The following XKR4 variants were observed in gnomAD, a reference collection of about 807,000 sequenced individuals.
XKR4 encodes the protein XK related 4, also known as XK-related protein 4.
In XKR4, 12 loss-of-function variants were observed where a neutral mutation model predicts 53.9. The observed-to-expected ratio is 0.22, with a 90% confidence interval of 0.14 to 0.36. The LOEUF (loss-of-function observed/expected upper bound fraction) is 0.36, where lower values mean the gene tolerates loss of function less well. Ranked by LOEUF, XKR4 falls within the 10% of genes least tolerant of loss-of-function variation. The probability of loss-of-function intolerance (pLI) is 1.00; values close to 1 mark genes in which losing one functional copy is unlikely to be tolerated. For synonymous variants in XKR4, 354 were observed against 362.4 expected (o/e 0.98, Z 0.26); for missense variants, 799 against 859.5 (o/e 0.93, Z 0.88).
At chr8:55,334,402 C>A (rs1270066300) in intron 1 of XKR4, among the ~76,000 whole-genome samples, 2 of 152,134 alleles carry the variant, frequency 1.3e-5, no homozygotes, top group East Asian at 3.9e-4. Context: ...GATAACATCT[C>A]CATCTATAAC....
chr8:55,322,926 A>G (rs1046710345), intron 1 of XKR4, among the ~76,000 whole-genome samples: 2 of 152,156 alleles, frequency 1.3e-5, no homozygotes, highest in Non-Finnish European at 2.9e-5. Context: ...GACTTCCCGT[A>G]TGTTGTTGAA....
intron 2 of XKR4, among the ~76,000 whole-genome samples, chr8:55,428,473 C>T (rs1051545223): frequency 1.3e-5 from 2 of 152,172 alleles, no homozygotes; most frequent in African/African-American, 4.8e-5. Context: ...AAAACACTTC[C>T]CACCCTCATT....
chr8:55,476,200 C>T (rs750532882), intron 2 of XKR4, among the ~76,000 whole-genome samples: 1 of 151,980 alleles, frequency 6.6e-6, no homozygotes, highest in Non-Finnish European at 1.5e-5. Context: ...AGTCTAAGGA[C>T]CCCAACATGA....
At chr8:55,495,304 G>A (rs548042538) in intron 2 of XKR4, among the ~76,000 whole-genome samples, 13 of 152,144 alleles carry the variant, frequency 8.5e-5, no homozygotes, top group Non-Finnish European at 1.9e-4. Flanking sequence ...ACCCCCAAGA[G>A]CACAGAGATG....
At position 55,539,109 on chromosome 8, in the gene XKR4, T is replaced by C. The variant is rs1392392860; in HGVS notation, c.*14882T>C. 1 of 152,254 alleles carries C rather than the reference T, an allele frequency of 6.6e-6. No individual in the cohort carries two copies. 9.4% of individuals were successfully genotyped at this position (152,254 alleles called of 1,614,324 possible). ...CCAAAAGTGACAAGTTTTCTTGTAC[T>C]TAAAAATTTAATCCTGATAAGAACT... is the stretch of plus-strand genomic sequence containing the variant. On this transcript the variant is annotated 3_prime_UTR_variant, in exon 3 of 3. Coordinates refer to ENST00000327381, the MANE Select transcript of XKR4 (RefSeq NM_052898.2).
intron 1 of XKR4, among the ~76,000 whole-genome samples, chr8:55,156,700 A>C (rs1332898765): frequency 6.6e-6 from 1 of 152,224 alleles, no homozygotes; most frequent in East Asian, 1.9e-4. Flanking sequence ...TTCATTTTAA[A>C]AAATAAGTTT....
chr8:55,479,672 AAG>A (rs1806066832), intron 2 of XKR4, among the ~76,000 whole-genome samples: 1 of 152,168 alleles, frequency 6.6e-6, no homozygotes, highest in African/African-American at 2.4e-5. Flanking sequence ...TAAAGAAGAA[AAG>A]AGAGAAGAAT....
At chr8:55,137,849 G>C (rs1234323331) in intron 1 of XKR4, among the ~76,000 whole-genome samples, 1 of 152,110 alleles carries the variant, frequency 6.6e-6, no homozygotes, top group Non-Finnish European at 1.5e-5. Flanking sequence ...TAGGATTACA[G>C]ATGTGAGCTT....
intron 1 of XKR4, among the ~76,000 whole-genome samples, chr8:55,327,932 GCTAGTAT>G: frequency 6.6e-6 from 1 of 152,292 alleles, no homozygotes; most frequent in South Asian, 2.1e-4. Context: ...TGATAAAAAT[GCTAGTAT>G]CTAGTGGTGA....
At chr8:55,335,766 C>A (rs1366566489) in intron 1 of XKR4, among the ~76,000 whole-genome samples, 6 of 152,078 alleles carry the variant, frequency 3.9e-5, no homozygotes, top group East Asian at 1.9e-4. Flanking sequence ...TTGATACATG[C>A]AACAGCTTGG....
At chr8:55,142,986 C>CT (rs1031927417) in intron 1 of XKR4, among the ~76,000 whole-genome samples, 196 of 148,682 alleles carry the variant, frequency 1.3e-3, no homozygotes, top group Admixed American at 4.2e-3. Flanking sequence ...ATTCATTTGC[C>CT]TTTTTTTTTT....
chr8:55,490,658 T>C lies in XKR4; in HGVS notation c.1007-32623T>C, dbSNP rs542469753. Among the ~76,000 whole-genome samples the C allele has an allele frequency of 2.0e-5, 3 of 152,350 alleles. No homozygotes were observed. In the East Asian group the frequency reaches 5.8e-4, roughly 29 times the overall value. On this transcript the variant is annotated intron_variant, in intron 2 of 2. Coordinates refer to ENST00000327381, the MANE Select transcript of XKR4 (RefSeq NM_052898.2). ...TGTTTCATTGTCTCCTGGCTTGCAT[T>C]GTTTATAATGTCAGCAGTCATCTTT... is the stretch of plus-strand genomic sequence containing the variant.
At chr8:55,478,600 C>A (rs4620264) in intron 2 of XKR4, among the ~76,000 whole-genome samples, 50,629 of 150,764 alleles carry the variant, frequency 0.34, 10,055 homozygotes, top group African/African-American at 0.59. Flanking sequence ...AAGACACAGA[C>A]TGGCAAATTG....
chr8:55,385,598 C>A (rs1804297407), intron 2 of XKR4, among the ~76,000 whole-genome samples: 2 of 152,172 alleles, frequency 1.3e-5, no homozygotes, highest in Non-Finnish European at 1.5e-5. Flanking sequence ...CCAGAGACAG[C>A]TCAGCAAAGT....
intron 1 of XKR4, among the ~76,000 whole-genome samples, chr8:55,192,670 T>C (rs1020344617): frequency 6.6e-6 from 1 of 152,140 alleles, no homozygotes; most frequent in African/African-American, 2.4e-5. Flanking sequence ...GGGTACATTG[T>C]GCACATGTAA....
intron 2 of XKR4, chr8:55,454,624 C>T: frequency 1.6e-6 from 2 of 1,240,964 alleles, no homozygotes; most frequent in East Asian, 4.8e-5. Context: ...CCTCTACTAG[C>T]CCCCAGCCAG....
intron 2 of XKR4, among the ~76,000 whole-genome samples, chr8:55,516,069 C>CA (rs890552292): frequency 5.9e-5 from 9 of 152,062 alleles, no homozygotes; most frequent in Non-Finnish European, 1.2e-4. Flanking sequence ...TGCCTGTTTG[C>CA]AAAAAACAAT....
intron 2 of XKR4, among the ~76,000 whole-genome samples, chr8:55,381,981 T>C (rs1163907558): frequency 6.6e-6 from 1 of 152,226 alleles, no homozygotes; most frequent in Non-Finnish European, 1.5e-5. Flanking sequence ...AGAGACCTTA[T>C]GTTTTGTCTT....
chr8:55,162,871 T>C (rs1294488314), intron 1 of XKR4, among the ~76,000 whole-genome samples: 2 of 152,228 alleles, frequency 1.3e-5, no homozygotes, highest in East Asian at 3.8e-4. Context: ...CTTAGCTGAA[T>C]TCTACAGAAT....
Sources: gnomAD v4.1 joint callset for allele counts (sites outside exome capture counted in the v4.1 genomes callset) on GRCh38, gnomAD v4.1.1 for gene constraint, MANE v1.5 for transcripts, NCBI Gene and HGNC (gene_info 2026-07-23, HGNC 2026-07-21) for gene names.